The following DLGAP2 variants were observed in gnomAD, a reference collection of about 807,000 sequenced individuals.
DLGAP2 encodes the protein disks large-associated protein 2.
In DLGAP2, 26 loss-of-function variants were observed where a neutral mutation model predicts 100.3. The observed-to-expected ratio is 0.26, with a 90% CI of 0.19 to 0.36. The LOEUF (loss-of-function observed/expected upper bound fraction) is 0.36, where lower values mean the gene tolerates loss of function less well. DLGAP2 is among the 10% of genes least tolerant of loss of function. The probability of loss-of-function intolerance (pLI) is 1.00; values close to 1 mark genes in which losing one functional copy is unlikely to be tolerated. For missense variants in DLGAP2, 1,858 were observed against 1,453.2 expected (o/e 1.28, Z -4.53); for synonymous variants, 886 against 630.1 (o/e 1.41, Z -6.08).
At chr8:1,517,518 G>A (rs560529014) in intron 4 of DLGAP2, among the ~76,000 whole-genome samples, 37 of 152,268 alleles carry the variant, frequency 2.4e-4, no homozygotes, top group African/African-American at 8.4e-4. Flanking sequence ...GCATCCTCAG[G>A]GAGAGAGAGC....
At chr8:1,240,114 A>C (rs1375907492) in intron 2 of DLGAP2, among the ~76,000 whole-genome samples, 1 of 146,040 alleles carries the variant, frequency 6.8e-6, no homozygotes, top group Non-Finnish European at 1.5e-5. Flanking sequence ...CGCCATGTCT[A>C]GTTACCTCTC....
At chr8:1,344,890 G>T (rs1008434150) in intron 3 of DLGAP2, among the ~76,000 whole-genome samples, 5 of 152,132 alleles carry the variant, frequency 3.3e-5, no homozygotes, top group Non-Finnish European at 7.3e-5. Context: ...CTCCCTCCTG[G>T]ACCGAAATAT....
intron 2 of DLGAP2, among the ~76,000 whole-genome samples, chr8:1,056,514 C>G (rs796602684): frequency 9.9e-5 from 15 of 152,262 alleles, no homozygotes; most frequent in African/African-American, 3.6e-4. Flanking sequence ...TGCTGTAGAA[C>G]TATTAAAGAA....
chr8:904,664 G>C (rs184585420), intron 1 of DLGAP2, among the ~76,000 whole-genome samples: 1 of 152,328 alleles, frequency 6.6e-6, no homozygotes, highest in East Asian at 1.9e-4. Context: ...TTAGAAATCA[G>C]TATTTCGGGA....
intron 1 of DLGAP2, among the ~76,000 whole-genome samples, chr8:904,758 G>A (rs1030230638): frequency 6.6e-5 from 10 of 152,220 alleles, no homozygotes; most frequent in African/African-American, 2.2e-4. Flanking sequence ...CCCAGCACCC[G>A]TGGCAGGCAG....
At chr8:1,475,881 C>T (rs563343227) in intron 3 of DLGAP2, among the ~76,000 whole-genome samples, 1 of 151,914 alleles carries the variant, frequency 6.6e-6, no homozygotes. Context: ...TTTTTCTCTC[C>T]CCTAGGAAAT....
chr8:1,632,641 C>T (rs1245359580), intron 7 of DLGAP2, among the ~76,000 whole-genome samples, 186 bp from the exon 8 acceptor site: 2 of 152,194 alleles, frequency 1.3e-5, no homozygotes, highest in African/African-American at 2.4e-5. Flanking sequence ...CTAAGTGTTT[C>T]GTAAGGGAAA....
At chr8:1,635,676 G>A (rs1797749860) in intron 8 of DLGAP2, among the ~76,000 whole-genome samples, 1 of 152,132 alleles carries the variant, frequency 6.6e-6, no homozygotes, top group South Asian at 2.1e-4. Flanking sequence ...CTTTATGCAG[G>A]CTCAAAAGGT....
chr8:1,497,136 C>T (rs569734395), intron 3 of DLGAP2, among the ~76,000 whole-genome samples: 3 of 152,286 alleles, frequency 2.0e-5, no homozygotes, highest in South Asian at 2.1e-4. Context: ...CCGGAGTTGC[C>T]GCGGTGAAAG....
chr8:1,316,496 C>T (rs1800753611), intron 3 of DLGAP2, among the ~76,000 whole-genome samples: 1 of 129,294 alleles, frequency 7.7e-6, no homozygotes, highest in Admixed American at 7.9e-5. Context: ...AGTGCAGCGT[C>T]TCTCCAACAG....
intron 2 of DLGAP2, among the ~76,000 whole-genome samples, chr8:1,165,146 G>C (rs1406611129): frequency 6.7e-6 from 1 of 149,184 alleles, no homozygotes; most frequent in Non-Finnish European, 1.5e-5. Context: ...GGAAGACAGA[G>C]AGGGGGAGAG....
At chr8:1,233,880 C>G (rs749011740) in intron 2 of DLGAP2, among the ~76,000 whole-genome samples, 2 of 152,134 alleles carry the variant, frequency 1.3e-5, no homozygotes. Flanking sequence ...ATGATAGTGT[C>G]ACACGGATGT....
chr8:1,580,945 A>G (rs1186307974), intron 6 of DLGAP2, among the ~76,000 whole-genome samples: 1 of 152,002 alleles, frequency 6.6e-6, no homozygotes, highest in Non-Finnish European at 1.5e-5. Flanking sequence ...TATACAGACA[A>G]AACCCTGCAC....
intron 2 of DLGAP2, among the ~76,000 whole-genome samples, chr8:1,042,141 G>T (rs1563160727): frequency 6.6e-6 from 1 of 152,162 alleles, no homozygotes; most frequent in African/African-American, 2.4e-5. Flanking sequence ...CTGCCTGGCT[G>T]GGGAAAGCCA....
intron 2 of DLGAP2, among the ~76,000 whole-genome samples, chr8:1,105,599 T>C (rs1412473843): frequency 6.9e-6 from 1 of 144,208 alleles, no homozygotes; most frequent in Non-Finnish European, 1.5e-5. Flanking sequence ...GGTTTTCTAT[T>C]GAAGGGAGCC....
intron 1 of DLGAP2, among the ~76,000 whole-genome samples, chr8:861,633 A>G (rs977704841): frequency 2.6e-5 from 4 of 152,374 alleles, no homozygotes; most frequent in South Asian, 4.1e-4. Context: ...GAAATCAAAT[A>G]TGGAATTCCA....
intron 1 of DLGAP2, among the ~76,000 whole-genome samples, chr8:762,765 C>T (rs1329744070): frequency 6.6e-6 from 1 of 152,016 alleles, no homozygotes; most frequent in Non-Finnish European, 1.5e-5. Context: ...TGCAGCCTCA[C>T]CCTCCTGGGC....
chr8:1,604,226 T>C (rs900504105), intron 6 of DLGAP2, among the ~76,000 whole-genome samples: 3 of 152,238 alleles, frequency 2.0e-5, no homozygotes, highest in Non-Finnish European at 4.4e-5. Flanking sequence ...GGGACCTTGC[T>C]ATAAATGCAC....
chr8:1,488,328 C>T (rs560386802), intron 3 of DLGAP2, among the ~76,000 whole-genome samples: 18 of 152,146 alleles, frequency 1.2e-4, no homozygotes, highest in Non-Finnish European at 2.1e-4. Flanking sequence ...TCCATGGAGG[C>T]CACTGGAATC....
Sources: gnomAD v4.1 joint callset for allele counts (sites outside exome capture counted in the v4.1 genomes callset) on GRCh38, gnomAD v4.1.1 for gene constraint, MANE v1.5 for transcripts, NCBI Gene and HGNC (gene_info 2026-07-23, HGNC 2026-07-21) for gene names.